Variants in EPHA5 observed in about 807,000 individuals in gnomAD.
The protein encoded by EPHA5 is ephrin type-A receptor 5.
EPHA5 carries 60 observed loss-of-function variants against 105.0 expected under a neutral mutation model. The observed-to-expected ratio is 0.57, with a 90% confidence interval of 0.46 to 0.71. EPHA5 has a LOEUF of 0.71. Ranked by LOEUF, EPHA5 falls within the 30% of genes least tolerant of loss-of-function variation. The pLI, the probability that EPHA5 is intolerant of heterozygous loss-of-function variation, is 0.00. For synonymous variants in EPHA5, 513 were observed against 449.1 expected (o/e 1.14, Z -1.80); for missense variants, 1,218 against 1,274.7 (o/e 0.96, Z 0.68).
intron 1 of EPHA5, among the ~76,000 whole-genome samples, chr4:65,647,779 A>G (rs1405838978): frequency 6.6e-6 from 1 of 152,164 alleles, no homozygotes. Context: ...ATTAAGATGG[A>G]CATGTTGGTT....
At chr4:65,417,694 A>T (rs1279697575) in intron 6 of EPHA5, among the ~76,000 whole-genome samples, 2 of 152,116 alleles carry the variant, frequency 1.3e-5, no homozygotes. Flanking sequence ...ATTAAATATA[A>T]GACCAAATCA....
At chr4:65,466,686 G>A (rs1028050733) in intron 5 of EPHA5, among the ~76,000 whole-genome samples, 6 of 152,302 alleles carry the variant, frequency 3.9e-5, no homozygotes, top group Middle Eastern at 3.4e-3. Context: ...GTGTAGAATA[G>A]TTAGAATTCA....
At chr4:65,418,861 T>C (rs1309072525) in intron 6 of EPHA5, among the ~76,000 whole-genome samples, 2 of 109,464 alleles carry the variant, frequency 1.8e-5, no homozygotes, top group Admixed American at 1.2e-4. Context: ...TTACCTAAAC[T>C]CTTTTTTTTT....
intron 3 of EPHA5, among the ~76,000 whole-genome samples, chr4:65,559,051 A>C (rs1187315178): frequency 6.6e-6 from 1 of 152,156 alleles, no homozygotes; most frequent in Non-Finnish European, 1.5e-5. Flanking sequence ...TGAATCTAAA[A>C]TAAAAGTTGA....
chr4:65,599,861 G>A (rs139965584), intron 3 of EPHA5, among the ~76,000 whole-genome samples: 3 of 152,226 alleles, frequency 2.0e-5, no homozygotes, highest in East Asian at 1.9e-4. Flanking sequence ...CTGTCAGAAC[G>A]CTGCCTCCCA....
chr4:65,634,558 CTTAA>C (rs1308144057), intron 2 of EPHA5, among the ~76,000 whole-genome samples: 6 of 151,884 alleles, frequency 4.0e-5, no homozygotes, highest in Non-Finnish European at 8.8e-5. Flanking sequence ...AATTATTTAT[CTTAA>C]TTATTTTACA....
intron 8 of EPHA5, among the ~76,000 whole-genome samples, chr4:65,400,723 A>C (rs1238361775): frequency 6.6e-6 from 1 of 152,144 alleles, no homozygotes; most frequent in Non-Finnish European, 1.5e-5. Context: ...TCAGTTTCAC[A>C]ATACCCAGTG....
chr4:65,565,542 G>T (rs1739447742), intron 3 of EPHA5, among the ~76,000 whole-genome samples: 1 of 150,806 alleles, frequency 6.6e-6, no homozygotes, highest in Non-Finnish European at 1.5e-5. Context: ...CAGTATTTTT[G>T]GTAATAAAAT....
chr4:65,481,148 C>G (rs943139063), intron 5 of EPHA5, among the ~76,000 whole-genome samples: 2 of 152,100 alleles, frequency 1.3e-5, no homozygotes, highest in Non-Finnish European at 2.9e-5. Flanking sequence ...TCGTCTGTGT[C>G]TAAATGCACT....
At chr4:65,636,736 C>T (rs1041874624) in intron 2 of EPHA5, among the ~76,000 whole-genome samples, 2 of 152,072 alleles carry the variant, frequency 1.3e-5, no homozygotes, top group African/African-American at 4.8e-5. Context: ...CAAATACCAT[C>T]ATCTCTCTGA....
intron 5 of EPHA5, among the ~76,000 whole-genome samples, chr4:65,443,691 G>A (rs1170667912): frequency 1.3e-5 from 2 of 152,048 alleles, no homozygotes; most frequent in East Asian, 1.9e-4. Context: ...TACCTAGAAT[G>A]GCAAGCTAAT....
intron 2 of EPHA5, among the ~76,000 whole-genome samples, chr4:65,639,195 C>T (rs1747421812): frequency 6.6e-6 from 1 of 152,126 alleles, no homozygotes; most frequent in African/African-American, 2.4e-5. Flanking sequence ...AATAAAGATG[C>T]AGTTTTCTCA....
intron 3 of EPHA5, among the ~76,000 whole-genome samples, chr4:65,566,808 T>A (rs531610656): frequency 6.6e-6 from 1 of 151,924 alleles, no homozygotes; most frequent in Admixed American, 6.6e-5. Flanking sequence ...GTAACATCAC[T>A]AAAGGTCATC....
chr4:65,542,958 C>A (rs542262141), intron 3 of EPHA5, among the ~76,000 whole-genome samples: 36 of 151,958 alleles, frequency 2.4e-4, no homozygotes, highest in African/African-American at 7.7e-4. Context: ...ATAAGCAGAA[C>A]CAATTACAAA....
At chr4:65,661,730 T>A (rs1026914646) in intron 1 of EPHA5, among the ~76,000 whole-genome samples, 4 of 152,290 alleles carry the variant, frequency 2.6e-5, no homozygotes, top group Admixed American at 2.6e-4. Flanking sequence ...TGCTGTGGAC[T>A]GATGGGCTGA....
At chr4:65,531,240 T>C (rs936913050) in intron 3 of EPHA5, among the ~76,000 whole-genome samples, 3 of 150,780 alleles carry the variant, frequency 2.0e-5, no homozygotes, top group African/African-American at 7.3e-5. Flanking sequence ...GGTTTCACCT[T>C]GTTAGCCAGG....
At chr4:65,482,926 A>G (rs1042973822) in intron 5 of EPHA5, among the ~76,000 whole-genome samples, 1 of 150,928 alleles carries the variant, frequency 6.6e-6, no homozygotes, top group Admixed American at 6.6e-5. Context: ...TTTGTTACAT[A>G]TGTATACATG....
At chr4:65,650,358 T>A (rs1328537246) in intron 1 of EPHA5, among the ~76,000 whole-genome samples, 2 of 140,634 alleles carry the variant, frequency 1.4e-5, no homozygotes, top group Non-Finnish European at 3.1e-5. Flanking sequence ...CCATCCTGGC[T>A]AACACAGTGA....
At chr4:65,565,106 A>G (rs1000530255) in intron 3 of EPHA5, among the ~76,000 whole-genome samples, 1 of 151,706 alleles carries the variant, frequency 6.6e-6, no homozygotes, top group Non-Finnish European at 1.5e-5. Context: ...TCCAATTGCA[A>G]TGTAAGGACA....
Sources: allele counts gnomAD v4.1 joint callset (sites outside exome capture counted in the v4.1 genomes callset), GRCh38; gene constraint gnomAD v4.1.1; transcripts MANE v1.5; gene names NCBI Gene and HGNC (gene_info 2026-07-23, HGNC 2026-07-21).